The following SH3TC1 variants were observed in gnomAD, a reference collection of about 807,000 sequenced individuals.
SH3TC1 encodes SH3 domain and tetratricopeptide repeats 1.
Under a neutral mutation model 117.3 loss-of-function variants are expected in SH3TC1, and 135 were observed. The ratio of observed to expected loss-of-function variants is 1.15; its 90% CI spans 1.00 to 1.33. SH3TC1 has a LOEUF of 1.33. Ranked by LOEUF, SH3TC1 falls within the 40% of genes most tolerant of loss-of-function variation. The probability of loss-of-function intolerance (pLI) is 0.00; values close to 1 mark genes in which losing one functional copy is unlikely to be tolerated. For missense variants in SH3TC1, 2,092 were observed against 1,794.3 expected (o/e 1.17, Z -3.00); for synonymous variants, 898 against 816.9 (o/e 1.10, Z -1.69).
chr4:8,240,608 G>A (rs1262161683), intron 17 of SH3TC1, 90 bp from the exon 18 acceptor site: 18 of 1,566,790 alleles, frequency 1.1e-5, no homozygotes, highest in African/African-American at 4.0e-5. Context: ...AGCATTGGCC[G>A]GACATGTGGA....
intron 17 of SH3TC1, 70 bp downstream of exon 17, chr4:8,237,740 G>C (rs577524233): frequency 6.8e-7 from 1 of 1,475,728 alleles, no homozygotes; most frequent in South Asian, 1.4e-5. Flanking sequence ...CCAGACCCCT[G>C]AGGCATGTGT....
rs139660009 is a variant in SH3TC1 at position 8,227,452 on chromosome 4, G to A, written c.1758G>A (p.Ala586=). ...AGGCCCGGGTGTACTTTGAGGAAGC[G>A]CTGGGGGCCCTGGAGGGCAGCTTCG... ...LSQARVYFEE[A]LGALEGSFGD... Residue 586 remains alanine, a synonymous_variant, in exon 12 of 18, where the codon GCG becomes GCA. Coordinates refer to ENST00000245105, the MANE Select transcript of SH3TC1 (RefSeq NM_018986.5). 6.3e-4 allele frequency: 988 copies of A among 1,563,296 alleles called. 4 individuals are homozygous for A. The African/African-American group carries it at 9.2e-3, about 15-fold the overall frequency.
At chr4:8,226,934 C>A in intron 11 of SH3TC1, 46 bp from the exon 12 acceptor site, 1 of 1,428,084 alleles carries the variant, frequency 7.0e-7, no homozygotes, top group Non-Finnish European at 9.4e-7. Context: ...GGACCCAGGA[C>A]TCACTGCTGG....
intron 15 of SH3TC1, 82 bp downstream of exon 15, chr4:8,235,637 C>T (rs1010151713): frequency 1.0e-5 from 15 of 1,455,380 alleles, no homozygotes; most frequent in Non-Finnish European, 1.4e-5. Context: ...CAGGGCAGAG[C>T]CCTCGCACCT....
At chr4:8,215,951 G>A (rs1578684847) in intron 5 of SH3TC1, among the ~76,000 whole-genome samples, 160 bp from the exon 6 acceptor site, 2 of 152,212 alleles carry the variant, frequency 1.3e-5, no homozygotes, top group African/African-American at 4.8e-5. Context: ...GGGCTGCTGT[G>A]TGTAGCCAGC....
At chr4:8,194,661 C>G (rs190977213), upstream of SH3TC1, among the ~76,000 whole-genome samples, 6 of 152,356 alleles carry the variant, frequency 3.9e-5, no homozygotes, top group East Asian at 1.2e-3. Flanking sequence ...TCCCCTCACC[C>G]TGGCGATGGG....
intron 1 of SH3TC1, among the ~76,000 whole-genome samples, chr4:8,203,935 A>G (rs1718001443): frequency 6.6e-6 from 1 of 152,184 alleles, no homozygotes; most frequent in Admixed American, 6.5e-5. Context: ...GATGGGGATA[A>G]GGACAGGAGG....
intron 8 of SH3TC1, 91 bp from the exon 9 acceptor site, chr4:8,219,244 C>T: frequency 7.7e-7 from 1 of 1,293,174 alleles, no homozygotes; most frequent in Non-Finnish European, 1.1e-6. Flanking sequence ...ATGAATTCCC[C>T]ATGGTTCAGG....
rs1718164293 is a variant in SH3TC1 at position 8,205,894 on chromosome 4, C to T, written c.172+528C>T. ...TCCCCTCTTACCCCCATCCTGAGAC[C>T]CTGAAGGGGACGAGGGGAGAGGCAG... is the stretch of plus-strand genomic sequence containing the variant. On this transcript the variant is annotated intron_variant, in intron 2 of 17. Transcript: ENST00000245105. The surrounding 1 kb of genome is among the most constrained non-coding windows in gnomAD (Gnocchi z 5.4). 2 of 547,702 alleles carry T rather than the reference C, an allele frequency of 3.7e-6. No homozygotes were observed. The highest frequency in any genetic ancestry group is 3.8e-5 in the African/African-American group (2 of 52,924). The allele number at this position is 547,702 out of a possible 1,614,324, so 33.9% of individuals were successfully genotyped here.
At chr4:8,217,276 C>G (rs1416254141) in intron 7 of SH3TC1, 109 bp downstream of exon 7, 6 of 1,322,066 alleles carry the variant, frequency 4.5e-6, no homozygotes, top group East Asian at 2.5e-5. Context: ...GGGCCCCGGA[C>G]AGACCTGGCC....
Position 8,205,744 on chromosome 4 carries a change from C to T in SH3TC1, c.172+378C>T, listed in dbSNP as rs1277015033. 3 of 680,410 alleles carry T rather than the reference C, an allele frequency of 4.4e-6. No homozygotes were observed. The African/African-American group carries it at 5.3e-5, about 12-fold the overall frequency. The allele number at this position is 680,410 out of a possible 1,614,324, so 42.1% of individuals were successfully genotyped here. A position where few individuals can be genotyped will look rare whatever the true frequency, so the allele number is the denominator to read the frequency against. On this transcript the variant is annotated intron_variant, in intron 2 of 17. Coordinates refer to ENST00000245105, the MANE Select transcript of SH3TC1 (RefSeq NM_018986.5). The surrounding 1 kb of genome is among the most constrained non-coding windows in gnomAD (Gnocchi z 5.4). ...TGAGGCATCCTCGTTCTCCAGGAGG[C>T]ACCCAAGGTGCAGAGAGGGAAGGGC...
At chr4:8,226,325 C>G (rs1720456573) in intron 11 of SH3TC1, among the ~76,000 whole-genome samples, 1 of 152,188 alleles carries the variant, frequency 6.6e-6, no homozygotes. Flanking sequence ...GAACTGCGGG[C>G]TTCAGGTTTT....
At chr4:8,216,655 T>G (rs1373666972) in intron 6 of SH3TC1, among the ~76,000 whole-genome samples, 1 of 148,450 alleles carries the variant, frequency 6.7e-6, no homozygotes, top group Non-Finnish European at 1.5e-5. Flanking sequence ...ACTGGGGCAG[T>G]CCATGGAGAA....
At chr4:8,232,965 G>A in intron 13 of SH3TC1, 1 of 1,193,210 alleles carries the variant, frequency 8.4e-7, no homozygotes, top group African/African-American at 1.6e-5. Flanking sequence ...AGCTCTGGGG[G>A]CAGGCCAGCA....
chr4:8,212,641 GC>G (rs1025521665), intron 3 of SH3TC1, 59 bp from the exon 4 acceptor site: 356 of 1,608,812 alleles, frequency 2.2e-4, no homozygotes, highest in Non-Finnish European at 2.9e-4. Flanking sequence ...GGAGTACAGT[GC>G]CCCACAGACT....
intron 5 of SH3TC1, chr4:8,215,165 C>G (rs1274603939): frequency 1.3e-5 from 6 of 456,186 alleles, no homozygotes; most frequent in Admixed American, 1.2e-4. Flanking sequence ...TAATTTCACT[C>G]AACCAGAACT....
At chr4:8,182,734 C>T (rs898800795) in intron 1 of SH3TC1, among the ~76,000 whole-genome samples, 11 of 152,198 alleles carry the variant, frequency 7.2e-5, no homozygotes, top group African/African-American at 2.4e-4. Flanking sequence ...TGCTGGTGAC[C>T]CTGGAGGACG....
At chr4:8,232,200 AAGGGGGCGGCGGGGCGGGGGCAC>A in intron 13 of SH3TC1, 44 bp downstream of exon 13, 2 of 58,996 alleles carry the variant, frequency 3.4e-5, no homozygotes, top group Non-Finnish European at 5.5e-5. Flanking sequence ...GGAGGGGGCA[AAGGGGGCGGCGGGGCGGGGGCAC>A]AGGGAAGCTG....
chr4:8,202,051 C>G (rs1046165997), intron 1 of SH3TC1, among the ~76,000 whole-genome samples: 58 of 152,206 alleles, frequency 3.8e-4, no homozygotes, highest in Non-Finnish European at 8.2e-4. Context: ...GGAGTGGATT[C>G]CAGCGCTTTG....
Sources: gnomAD v4.1 joint callset for allele counts (sites outside exome capture counted in the v4.1 genomes callset) on GRCh38, gnomAD v4.1.1 for gene constraint, Gnocchi (gnomAD v3.1) non-coding constraint, MANE v1.5 for transcripts, NCBI Gene and HGNC (gene_info 2026-07-23, HGNC 2026-07-21) for gene names.